Variants in VAV2 observed in about 807,000 individuals in gnomAD.
VAV2 encodes guanine nucleotide exchange factor VAV2.
Under a neutral mutation model 132.5 loss-of-function variants are expected in VAV2, and 67 were observed. That is an observed-to-expected ratio of 0.51 (90% CI 0.42 to 0.62). The LOEUF is 0.62. Among genes scored for constraint, VAV2 ranks in the 20% least tolerant of loss-of-function variants. The probability of loss-of-function intolerance (pLI) is 0.00; values close to 1 mark genes in which losing one functional copy is unlikely to be tolerated. For missense variants in VAV2, 938 were observed against 1,153.6 expected, an observed-to-expected ratio of 0.81 and a Z score of 2.71; for synonymous variants, 492 against 443.5, an observed-to-expected ratio of 1.11 and a Z score of -1.37.
At chr9:133,765,329 T>A (rs1833396636) in intron 29 of VAV2, among the ~76,000 whole-genome samples, 3 of 152,210 alleles carry the variant, frequency 2.0e-5, no homozygotes, top group Admixed American at 2.0e-4. Flanking sequence ...AATATAATCT[T>A]AAACACATGA....
chr9:133,898,640 T>C (rs555654909), intron 2 of VAV2, among the ~76,000 whole-genome samples: 2 of 152,054 alleles, frequency 1.3e-5, no homozygotes, highest in African/African-American at 4.8e-5. Context: ...TCCCCTCAAC[T>C]GGTATTTAAA....
intron 7 of VAV2, among the ~76,000 whole-genome samples, chr9:133,808,343 C>T (rs553047950): frequency 1.2e-4 from 19 of 152,346 alleles, no homozygotes; most frequent in African/African-American, 4.1e-4. Flanking sequence ...CCAGGTCTCC[C>T]GGCTGGAGGC....
chr9:133,818,365 C>CAAAAA (rs34171114), intron 4 of VAV2, among the ~76,000 whole-genome samples: 1 of 99,666 alleles, frequency 1.0e-5, no homozygotes, highest in Non-Finnish European at 2.1e-5. Flanking sequence ...GACTCCATCT[C>CAAAAA]AAAAAAAAAA....
chr9:133,982,080 G>A (rs1339523954), intron 1 of VAV2, among the ~76,000 whole-genome samples: 1 of 152,208 alleles, frequency 6.6e-6, no homozygotes, highest in Non-Finnish European at 1.5e-5. Flanking sequence ...CAGGGGACTC[G>A]AGCAGGCCTG....
rs964862834 is a variant in VAV2 at position 133,857,563 on chromosome 9, G to T, written c.380+3811C>A. 1.3e-5 allele frequency among the ~76,000 whole-genome samples: 2 copies of T among 152,196 alleles called. No homozygotes were observed. Among genetic ancestry groups the T allele is most frequent in the Admixed American group, 6.5e-5 (1 of 15,284 alleles). On this transcript the variant is annotated intron_variant, in intron 3 of 29. Coordinates refer to ENST00000371850, the MANE Select transcript of VAV2 (RefSeq NM_001134398.2). The surrounding 1 kb of genome is among the most constrained non-coding windows in gnomAD (Gnocchi z 4.0). ...GGCTTGTGGGTTTTCAAGAAGGAAA[G>T]GGTTGTGTTAAACTAGAACCTTTTG... is the stretch of plus-strand genomic sequence containing the variant.
chr9:133,792,085 G>GCGTGTGTGTGTGTGAGACAT, intron 12 of VAV2, among the ~76,000 whole-genome samples: 2 of 146,712 alleles, frequency 1.4e-5, no homozygotes, highest in African/African-American at 5.1e-5. Context: ...GTGTGAGACA[G>GCGTGTGTGTGTGTGAGACAT]CATGTGTGTG....
intron 3 of VAV2, among the ~76,000 whole-genome samples, chr9:133,838,698 G>C (rs1046278257): frequency 6.7e-6 from 1 of 149,730 alleles, no homozygotes; most frequent in African/African-American, 2.5e-5. Flanking sequence ...TGGCTAGCTG[G>C]GTGGGTGGGT....
intron 4 of VAV2, among the ~76,000 whole-genome samples, chr9:133,816,917 G>A (rs554168202): frequency 2.0e-5 from 3 of 152,270 alleles, no homozygotes; most frequent in South Asian, 2.1e-4. Flanking sequence ...TTGAAATCAC[G>A]TAATGTAAAT....
intron 13 of VAV2, 73 bp downstream of exon 13, chr9:133,791,710 T>C: frequency 2.2e-6 from 3 of 1,347,748 alleles, no homozygotes; most frequent in Non-Finnish European, 3.2e-6. Context: ...CACTCAATAC[T>C]GGGGCTGTGA....
rs558460520 is a variant in VAV2, at chr9:133,840,049, C to A, written c.381-5709G>T. On this transcript the variant is annotated intron_variant, in intron 3 of 29. Coordinates refer to ENST00000371850, the MANE Select transcript of VAV2 (RefSeq NM_001134398.2). The surrounding 1 kb of genome is among the most constrained non-coding windows in gnomAD (Gnocchi z 4.5). The stretch of plus-strand genomic sequence containing the variant: ...TTTTCCTTCCCGCACTTACCCCTAG[C>A]GTCCCCTACCCACACCTTGCCCTGT... 6.6e-6 allele frequency among the ~76,000 whole-genome samples: 1 copy of A among 152,160 alleles called. No individual in the cohort carries two copies. The highest frequency in any genetic ancestry group is 1.9e-4 in the East Asian group (1 of 5,170).
chr9:133,815,681 G>A (rs1478460845), intron 4 of VAV2, among the ~76,000 whole-genome samples: 4 of 152,126 alleles, frequency 2.6e-5, no homozygotes, highest in African/African-American at 7.2e-5. Flanking sequence ...GAACAACAAC[G>A]TGCTACCCAT....
chr9:133,787,375 C>T, intron 15 of VAV2, 115 bp from the exon 16 acceptor site: 1 of 1,224,688 alleles, frequency 8.2e-7, no homozygotes, highest in Admixed American at 3.1e-5. Context: ...TGGAACACCC[C>T]CCAGTGCCCA....
intron 19 of VAV2, among the ~76,000 whole-genome samples, chr9:133,781,904 A>G (rs1451867323): frequency 6.6e-6 from 1 of 152,210 alleles, no homozygotes; most frequent in African/African-American, 2.4e-5. Context: ...AGTTCCAACT[A>G]CACATACTAA....
At chr9:133,924,418 C>T (rs973356599) in intron 2 of VAV2, among the ~76,000 whole-genome samples, 1 of 152,178 alleles carries the variant, frequency 6.6e-6, no homozygotes, top group African/African-American at 2.4e-5. Flanking sequence ...AACTCCTGGC[C>T]TCAAGTGATC....
Position 133,857,888 on chromosome 9 carries a change from G to A in VAV2, c.380+3486C>T, listed in dbSNP as rs1314383736. ...TCAGAGGAGGGAGGGTGGAGGAGAA[G>A]GGCAGGAAAGCCAGGCCCCGGGGAG... is the stretch of plus-strand genomic sequence containing the variant. On this transcript the variant is annotated intron_variant, in intron 3 of 29. Coordinates refer to ENST00000371850, the MANE Select transcript of VAV2 (RefSeq NM_001134398.2). This position sits in a 1 kb window ranked among gnomAD's most constrained non-coding sequence, Gnocchi z 4.0. 6.6e-6 allele frequency among the ~76,000 whole-genome samples: 1 copy of A among 152,222 alleles called. No individual in the cohort carries two copies. Among genetic ancestry groups the A allele is most frequent in the Non-Finnish European group, 1.5e-5 (1 of 68,038 alleles).
chr9:133,972,549 T>C (rs534555374), intron 1 of VAV2, among the ~76,000 whole-genome samples: 1 of 152,340 alleles, frequency 6.6e-6, no homozygotes, highest in East Asian at 1.9e-4. Flanking sequence ...GCCCGCCTCC[T>C]GCAAGCCTGA....
In VAV2 at chr9:133,884,519, C is replaced by CCCACCCAGGCCAGCCTCT. The variant is rs1215611610; in HGVS notation, c.322-23105_322-23088dup. Among the ~76,000 whole-genome samples the CCCACCCAGGCCAGCCTCT allele has an allele frequency of 6.6e-5, 10 of 152,164 alleles. No homozygotes were observed. The highest frequency in any genetic ancestry group is 3.9e-4 in the East Asian group (2 of 5,164). ...TCCGCAAGCACTCAACAGATGCTGG[C>CCCACCCAGGCCAGCCTCT]CCACCCAGGCCAGCCTCTCCACCCA... On this transcript the variant is annotated intron_variant, in intron 2 of 29. Coordinates refer to ENST00000371850, the MANE Select transcript of VAV2 (RefSeq NM_001134398.2). The surrounding 1 kb of genome is among the most constrained non-coding windows in gnomAD (Gnocchi z 5.3).
intron 4 of VAV2, among the ~76,000 whole-genome samples, chr9:133,827,047 G>A (rs1386385001): frequency 1.3e-5 from 2 of 152,220 alleles, no homozygotes; most frequent in African/African-American, 2.4e-5. Flanking sequence ...TCAGTGAACA[G>A]AAAATGGGAA....
intron 9 of VAV2, among the ~76,000 whole-genome samples, chr9:133,801,728 G>A (rs1588195245): frequency 6.6e-6 from 1 of 152,230 alleles, no homozygotes; most frequent in African/African-American, 2.4e-5. Flanking sequence ...CTGAAGGAAG[G>A]TGGCCCTGAC....
Sources: gnomAD v4.1 joint callset for allele counts (sites outside exome capture counted in the v4.1 genomes callset) on GRCh38, gnomAD v4.1.1 for gene constraint, Gnocchi (gnomAD v3.1) non-coding constraint, MANE v1.5 for transcripts, NCBI Gene and HGNC (gene_info 2026-07-23, HGNC 2026-07-21) for gene names.